Variants in SCAF8 observed in about 807,000 individuals in gnomAD.
SCAF8 encodes SR-related and CTD-associated factor 8.
Under a neutral mutation model 140.5 loss-of-function variants are expected in SCAF8, and 23 were observed. The observed-to-expected ratio is 0.16, with a 90% CI of 0.12 to 0.23. The LOEUF (loss-of-function observed/expected upper bound fraction) is 0.23, where lower values mean the gene tolerates loss of function less well. Ranked by LOEUF, SCAF8 falls within the 10% of genes least tolerant of loss-of-function variation. The probability of loss-of-function intolerance (pLI) is 1.00; values close to 1 mark genes in which losing one functional copy is unlikely to be tolerated. For missense variants in SCAF8, 1,397 were observed against 1,555.7 expected, an observed-to-expected ratio of 0.90 and a Z score of 1.72; for synonymous variants, 575 against 528.9, an observed-to-expected ratio of 1.09 and a Z score of -1.20.
intron 15 of SCAF8, among the ~76,000 whole-genome samples, chr6:154,821,984 C>T (rs114984722): frequency 1.1e-3 from 173 of 152,312 alleles, no homozygotes; most frequent in African/African-American, 3.9e-3. Flanking sequence ...GTTCCTCTTA[C>T]ATCAGCCAGC....
In SCAF8 at chr6:154,816,707, A is replaced by AT. The variant is rs1778261399; in HGVS notation, c.1521+893dup. 2.6e-5 allele frequency among the ~76,000 whole-genome samples: 4 copies of AT among 152,182 alleles called. 1 individual carries two copies. Among genetic ancestry groups the AT allele is most frequent in the Admixed American group, 2.6e-4 (4 of 15,288 alleles). ...TCTTTTTATCATTATTTATCAGAAAATTGCCCAGTTTTCCTTTCTAGTCTT... is the reference window on the plus strand; with the variant it reads ...TCTTTTTATCATTATTTATCAGAAAATTTGCCCAGTTTTCCTTTCTAGTCTT... On this transcript the variant is annotated intron_variant, in intron 13 of 19. Transcript: ENST00000367178.
intron 15 of SCAF8, among the ~76,000 whole-genome samples, chr6:154,820,873 A>T (rs1215025786): frequency 6.6e-6 from 1 of 152,208 alleles, no homozygotes; most frequent in Non-Finnish European, 1.5e-5. Context: ...AAAATTGACA[A>T]AATGATTTGC....
In SCAF8 at chr6:154,831,960, G is replaced by A. The variant is rs1186844314; in HGVS notation, c.2381G>A (p.Ser794Asn). 2 of 1,599,800 alleles carry A rather than the reference G, an allele frequency of 1.3e-6. No individual in the cohort carries two copies. The change falls in exon 20 of 20, where the codon AGT becomes AAT. Residue 794 changes from serine (S) to asparagine (N), a missense_variant. Ser to Asn is a conservative substitution (Grantham distance 46, BLOSUM62 1). This residue lies in a region of SCAF8 where 930 missense variants were observed against 874.6 expected (regional missense o/e 1.06). Coordinates refer to ENST00000367178, the MANE Select transcript of SCAF8 (RefSeq NM_014892.5). ...TTAGTGATTCCAAATGATATTTCAA[G>A]TAATGCTGCAATTTTAGGAGGACAG... Reference protein sequence around the residue: ...TRSVIPNDISSNAAILGGQPP... With the variant: ...TRSVIPNDISNNAAILGGQPP...
At chr6:154,761,354 C>T (rs188696462) in intron 1 of SCAF8, among the ~76,000 whole-genome samples, 14 of 152,016 alleles carry the variant, frequency 9.2e-5, no homozygotes, top group Admixed American at 5.2e-4. Flanking sequence ...GGCATAGTGG[C>T]GGGTGCCCAT....
At chr6:154,735,014 C>T (rs1333826168) in intron 1 of SCAF8, among the ~76,000 whole-genome samples, 1 of 151,796 alleles carries the variant, frequency 6.6e-6, no homozygotes, top group African/African-American at 2.4e-5. Context: ...ATCCCAGCTA[C>T]TTAGGAGGCT....
At chr6:154,753,432 A>G (rs1023667449) in intron 1 of SCAF8, among the ~76,000 whole-genome samples, 1 of 147,526 alleles carries the variant, frequency 6.8e-6, no homozygotes, top group African/African-American at 2.5e-5. Flanking sequence ...GTGCCATTGC[A>G]CTCCAGCCTG....
At chr6:154,817,008 G>A (rs952252788) in intron 13 of SCAF8, among the ~76,000 whole-genome samples, 9 of 149,226 alleles carry the variant, frequency 6.0e-5, no homozygotes, top group Non-Finnish European at 1.3e-4. Context: ...CAAGAGTGCT[G>A]TCGACCTCTC....
rs1038020503 is a variant in SCAF8 at position 154,741,893 on chromosome 6, T to C, written c.30+7963T>C. 4 of 1,147,838 alleles carry C rather than the reference T, an allele frequency of 3.5e-6. No individual in the cohort carries two copies. The African/African-American group carries it at 4.6e-5, about 13-fold the overall frequency. The allele number at this position is 1,147,838 out of a possible 1,614,324, so 71.1% of individuals were successfully genotyped here. ...GAACACTGGCTGAGCTCCTGAACTTTTAAGTGAGCTCATTTTGTCTGGTTT... is the reference window on the plus strand; with the variant it reads ...GAACACTGGCTGAGCTCCTGAACTTCTAAGTGAGCTCATTTTGTCTGGTTT... On this transcript the variant is annotated intron_variant, in intron 1 of 19. Transcript: ENST00000367178.
intron 3 of SCAF8, among the ~76,000 whole-genome samples, chr6:154,779,583 A>T (rs1187946817): frequency 6.6e-6 from 1 of 152,176 alleles, no homozygotes; most frequent in Admixed American, 6.5e-5. Flanking sequence ...GGGTACTTTG[A>T]ATAAAATGTG....
chr6:154,793,970 G>A (rs1482290727), intron 5 of SCAF8, among the ~76,000 whole-genome samples: 1 of 151,888 alleles, frequency 6.6e-6, no homozygotes, highest in Non-Finnish European at 1.5e-5. Context: ...CACCCAGGCG[G>A]GTGTGCAGTG....
intron 13 of SCAF8, among the ~76,000 whole-genome samples, chr6:154,817,116 C>G (rs1778275121): frequency 6.6e-6 from 1 of 152,126 alleles, no homozygotes; most frequent in South Asian, 2.1e-4. Flanking sequence ...CTGATTTACC[C>G]CTACCTTTAA....
intron 3 of SCAF8, among the ~76,000 whole-genome samples, chr6:154,782,127 A>G (rs1777103267): frequency 6.6e-6 from 1 of 152,184 alleles, no homozygotes. Context: ...GCTTTATAAG[A>G]CAGAAGCACC....
At chr6:154,794,777 GGGGGTGTGTGT>G (rs1777542170) in intron 5 of SCAF8, among the ~76,000 whole-genome samples, 1 of 54,610 alleles carries the variant, frequency 1.8e-5, no homozygotes, top group Non-Finnish European at 4.0e-5. Context: ...GGGGGGTGTG[GGGGGTGTGTGT>G]GTGTGTGTGT....
At chr6:154,775,531 G>C (rs1281040866) in intron 2 of SCAF8, among the ~76,000 whole-genome samples, 2 of 152,172 alleles carry the variant, frequency 1.3e-5, no homozygotes, top group Non-Finnish European at 2.9e-5. Context: ...TCAGATGTCA[G>C]ACGGGTCTGA....
At chr6:154,813,403 T>C (rs1418191172) in intron 12 of SCAF8, among the ~76,000 whole-genome samples, 1 of 152,084 alleles carries the variant, frequency 6.6e-6, no homozygotes, top group Non-Finnish European at 1.5e-5. Flanking sequence ...GTGCCTATAG[T>C]TTCAGCTTTT....
chr6:154,774,875 A>G (rs1171168749), intron 2 of SCAF8, among the ~76,000 whole-genome samples: 1 of 152,198 alleles, frequency 6.6e-6, no homozygotes, highest in Non-Finnish European at 1.5e-5. Flanking sequence ...GCTCAGCCAT[A>G]GATTTTTCCC....
Position 154,831,971 on chromosome 6 carries a change from A to G in SCAF8, c.2392A>G (p.Ile798Val), listed in dbSNP as rs1466212798. The G allele has an allele frequency of 1.9e-6, 3 of 1,606,494 alleles. No individual in the cohort carries two copies. Among genetic ancestry groups the G allele is most frequent in the Non-Finnish European group, 2.5e-6 (3 of 1,177,510 alleles). The change falls in exon 20 of 20, where the codon ATT (isoleucine) becomes GTT (valine). Residue 798 changes from isoleucine to valine, a missense_variant. Physicochemically the swap from Ile to Val is conservative, Grantham distance 29 (BLOSUM62 3). Transcript: ENST00000367178. The part of the protein sequence containing the change: ...IPNDISSNAA[I>V]LGGQPPNVTS... ...AAATGATATTTCAAGTAATGCTGCA[A>G]TTTTAGGAGGACAGCCGCCAAATGT...
At chr6:154,822,477 A>T in intron 16 of SCAF8, 68 bp downstream of exon 16, 2 of 1,437,976 alleles carry the variant, frequency 1.4e-6, no homozygotes, top group Non-Finnish European at 1.9e-6. Flanking sequence ...TCATGTATTT[A>T]CTTTATAAAA....
At chr6:154,771,257 A>T (rs1776759075) in intron 1 of SCAF8, among the ~76,000 whole-genome samples, 1 of 152,232 alleles carries the variant, frequency 6.6e-6, no homozygotes, top group South Asian at 2.1e-4. Context: ...TATTGATCTG[A>T]TTGGGGAGGT....
Sources: allele counts gnomAD v4.1 joint callset (sites outside exome capture counted in the v4.1 genomes callset), GRCh38; gene constraint gnomAD v4.1.1; regional missense constraint gnomAD v4.1.1; transcripts MANE v1.5; gene names NCBI Gene and HGNC (gene_info 2026-07-23, HGNC 2026-07-21).